CHD2: variants seen among roughly 807,000 people sequenced by gnomAD.
The protein encoded by CHD2 is chromodomain helicase DNA binding protein 2.
CHD2 carries 28 observed loss-of-function variants against 243.9 expected under a neutral mutation model. The observed-to-expected ratio is 0.11, with a 90% CI of 0.09 to 0.16. CHD2 has a LOEUF of 0.16. Among genes scored for constraint, CHD2 ranks in the 10% least tolerant of loss-of-function variants. The pLI, the probability that CHD2 is intolerant of heterozygous loss-of-function variation, is 1.00. For synonymous variants in CHD2, 775 were observed against 779.0 expected, an observed-to-expected ratio of 0.99 and a Z score of 0.09; for missense variants, 1,386 against 2,209.8, an observed-to-expected ratio of 0.63 and a Z score of 7.47.
At chr15:92,920,867 G>A (rs539156466) in intron 2 of CHD2, among the ~76,000 whole-genome samples, 5 of 152,326 alleles carry the variant, frequency 3.3e-5, no homozygotes, top group Non-Finnish European at 7.3e-5. Context: ...GAACATCAAA[G>A]GAGATATGCT....
At position 92,942,226 on chromosome 15, in the gene CHD2, C is replaced by G. The variant is rs12904680; in HGVS notation, c.826+271C>G. ...ACCTGCTAATTAACATTAAGCAAAT[C>G]CACCTTTGGTTATTTGTTTCTTAAG... On this transcript the variant is annotated intron_variant, in intron 8 of 38. Coordinates refer to ENST00000394196, the MANE Select transcript of CHD2 (RefSeq NM_001271.4). 0.17 allele frequency among the ~76,000 whole-genome samples: 26,456 copies of G among 152,118 alleles called. 3,071 individuals are homozygous for G. Among genetic ancestry groups the G allele is most frequent in the Non-Finnish European group, 0.26 (17,457 of 67,948 alleles).
chr15:92,979,409 A>AGGC lies in CHD2; in HGVS notation c.2876+126_2876+127insGGC, dbSNP rs2053948865. On this transcript the variant is annotated intron_variant, in intron 22 of 38. Coordinates refer to ENST00000394196, the MANE Select transcript of CHD2 (RefSeq NM_001271.4). ...ACCTGGAAGATGCCAGGCCAGAACC[A>AGGC]CAAATAGGATAGCATTTTCACTTTG... 3.5e-6 allele frequency: 4 copies of AGGC among 1,149,912 alleles called. No homozygotes were observed. The Admixed American group carries it at 1.1e-4, about 31-fold the overall frequency. The allele number at this position is 1,149,912 out of a possible 1,614,324, so 71.2% of individuals were successfully genotyped here. A position where few individuals can be genotyped will look rare whatever the true frequency, so the allele number is the denominator to read the frequency against.
chr15:92,951,681 A>T (rs1346519618), intron 13 of CHD2, among the ~76,000 whole-genome samples: 1 of 152,190 alleles, frequency 6.6e-6, no homozygotes, highest in Non-Finnish European at 1.5e-5. Context: ...GAGAAACTTA[A>T]CTGTGCTTCC....
intron 16 of CHD2, among the ~76,000 whole-genome samples, chr15:92,965,530 C>G (rs2053747130): frequency 6.9e-6 from 1 of 144,370 alleles, no homozygotes; most frequent in East Asian, 2.0e-4. Context: ...CACCACTGCA[C>G]TCCAGCCTGG....
chr15:92,987,025 C>T (rs182911094), intron 26 of CHD2, among the ~76,000 whole-genome samples: 25 of 152,240 alleles, frequency 1.6e-4, no homozygotes, highest in African/African-American at 3.6e-4. Flanking sequence ...CCTGAGCCAC[C>T]GTGCGCAGCC....
chr15:92,918,816 CACAT>C (rs2052893972), intron 2 of CHD2, among the ~76,000 whole-genome samples: 2 of 151,282 alleles, frequency 1.3e-5, no homozygotes, highest in Admixed American at 1.3e-4. Flanking sequence ...CACATATATA[CACAT>C]ATACATATAT....
At chr15:92,924,266 A>T (rs2053015783) in intron 2 of CHD2, 55 bp from the exon 3 acceptor site, 1 of 1,483,248 alleles carries the variant, frequency 6.7e-7, no homozygotes, top group Non-Finnish European at 9.3e-7. Context: ...TTTTTTAAGC[A>T]GATTCATGTG....
At chr15:92,974,071 T>G (rs2053877177) in intron 19 of CHD2, 1 of 152,232 alleles carries the variant, frequency 6.6e-6, no homozygotes, top group Non-Finnish European at 1.5e-5. Flanking sequence ...AAATGAAGTA[T>G]TTTGTTCATC....
At chr15:92,914,677 G>A (rs1179495686) in intron 2 of CHD2, among the ~76,000 whole-genome samples, 1 of 152,148 alleles carries the variant, frequency 6.6e-6, no homozygotes, top group Non-Finnish European at 1.5e-5. Flanking sequence ...AGCATTTTGT[G>A]TGCACTTTTT....
chr15:92,969,176 C>T (rs1243871818), intron 17 of CHD2, among the ~76,000 whole-genome samples: 1 of 152,198 alleles, frequency 6.6e-6, no homozygotes, highest in African/African-American at 2.4e-5. Context: ...ATTTTTCTGG[C>T]AACTCTAGAT....
intron 13 of CHD2, chr15:92,950,291 A>G (rs1476677520): frequency 6.6e-6 from 1 of 152,264 alleles, no homozygotes; most frequent in African/African-American, 2.4e-5. Context: ...TGTTATTTCT[A>G]ACACTTGTTA....
chr15:92,943,237 C>T (rs2053410251), intron 9 of CHD2, 169 bp downstream of exon 9: 2 of 604,858 alleles, frequency 3.3e-6, no homozygotes, highest in South Asian at 2.0e-5. Context: ...CCTTCAGATA[C>T]TATATTTTTA....
intron 34 of CHD2, among the ~76,000 whole-genome samples, chr15:93,008,569 C>T (rs1419172623): frequency 3.9e-5 from 6 of 152,130 alleles, no homozygotes; most frequent in African/African-American, 1.4e-4. Flanking sequence ...TGTCATTTCC[C>T]GTGCTGCCAA....
In CHD2 at chr15:93,002,320, A is replaced by AATG. The variant is rs780977518; in HGVS notation, c.4278+7_4278+9dup. ...AGTCAAAAGATAAGAAAGAGAAGGT[A>AATG]ATGATGCCCTTCTGTTCATGCAGAT... is the stretch of plus-strand genomic sequence containing the variant. On this transcript the variant is annotated splice_donor_region_variant and intron_variant, in intron 33 of 38. Transcript: ENST00000394196. 28 of 1,591,734 alleles carry AATG rather than the reference A, an allele frequency of 1.8e-5. No homozygotes were observed. In the South Asian group the frequency reaches 2.7e-4, roughly 15 times the overall value.
chr15:92,963,150 G>A (rs1389421116), intron 16 of CHD2, among the ~76,000 whole-genome samples: 1 of 152,078 alleles, frequency 6.6e-6, no homozygotes, highest in Admixed American at 6.6e-5. Flanking sequence ...CTTTTGATTG[G>A]AATATTTAGT....
intron 27 of CHD2, 64 bp from the exon 28 acceptor site, chr15:92,992,795 C>G: frequency 6.3e-7 from 1 of 1,580,700 alleles, no homozygotes; most frequent in Non-Finnish European, 8.6e-7. Context: ...CTAGTGGCAT[C>G]TCATGACACT....
intron 31 of CHD2, among the ~76,000 whole-genome samples, chr15:92,999,386 A>G (rs1451631364): frequency 1.3e-5 from 2 of 152,218 alleles, no homozygotes; most frequent in Non-Finnish European, 2.9e-5. Context: ...TAATTCAGAA[A>G]CTAGACCTTA....
chr15:92,947,590 A>G (rs2053490164), intron 12 of CHD2: 1 of 152,264 alleles, frequency 6.6e-6, no homozygotes, highest in South Asian at 2.1e-4. Context: ...TAATAGCAGT[A>G]TATAGGAGAC....
chr15:92,940,994 A>AAT (rs1491028598), intron 7 of CHD2, among the ~76,000 whole-genome samples: 13 of 88,252 alleles, frequency 1.5e-4, no homozygotes, highest in African/African-American at 2.0e-4. Context: ...TATATATATA[A>AAT]ATATATATAT....
Sources: allele counts gnomAD v4.1 joint callset (sites outside exome capture counted in the v4.1 genomes callset), GRCh38; gene constraint gnomAD v4.1.1; transcripts MANE v1.5; gene names NCBI Gene and HGNC (gene_info 2026-07-23, HGNC 2026-07-21).